CTNND2: variants seen among roughly 807,000 people sequenced by gnomAD.
The protein encoded by CTNND2 is catenin delta-2.
In CTNND2, 22 loss-of-function variants were observed where a neutral mutation model predicts 144.4. The ratio of observed to expected loss-of-function variants is 0.15; its 90% confidence interval spans 0.11 to 0.22. The LOEUF is 0.22. CTNND2 is among the 10% of genes least tolerant of loss of function. The pLI is 1.00. For missense variants in CTNND2, 1,353 were observed against 1,618.8 expected, an observed-to-expected ratio of 0.84 and a Z score of 2.82; for synonymous variants, 751 against 695.6, an observed-to-expected ratio of 1.08 and a Z score of -1.25.
chr5:11,517,306 C>A (rs1772254200), intron 3 of CTNND2, among the ~76,000 whole-genome samples: 2 of 152,102 alleles, frequency 1.3e-5, no homozygotes, highest in Non-Finnish European at 2.9e-5. Flanking sequence ...TATTAAAAAG[C>A]CAGGCTTTAA....
rs1468399078 is a variant in CTNND2, at chr5:11,384,655, G to A, written c.1177+10C>T. ...CAGGTGAGTCGCGCCAGGTGGCAGC[G>A]AGCCTTTACCTGCCAGGCTGCCCGG... On this transcript the variant is annotated intron_variant, in intron 7 of 21. Coordinates refer to ENST00000304623, the MANE Select transcript of CTNND2 (RefSeq NM_001332.4). This position sits in a 1 kb window ranked among gnomAD's most constrained non-coding sequence, Gnocchi z 5.2. 10 of 1,592,630 alleles carry A rather than the reference G, an allele frequency of 6.3e-6. No individual in the cohort carries two copies. Among genetic ancestry groups the A allele is most frequent in the African/African-American group, 4.0e-5 (3 of 74,510 alleles).
intron 9 of CTNND2, among the ~76,000 whole-genome samples, chr5:11,248,078 T>C (rs1743188739): frequency 6.6e-6 from 1 of 152,286 alleles, no homozygotes; most frequent in Non-Finnish European, 1.5e-5. Flanking sequence ...AATGTTTATG[T>C]TCACCACTAT....
intron 11 of CTNND2, among the ~76,000 whole-genome samples, chr5:11,177,272 G>T (rs942054607): frequency 6.6e-6 from 1 of 152,154 alleles, no homozygotes; most frequent in African/African-American, 2.4e-5. Flanking sequence ...ACCCTCAGGG[G>T]AAATCCTGGT....
At chr5:11,029,804 T>G (rs1743250912) in intron 16 of CTNND2, among the ~76,000 whole-genome samples, 2 of 152,340 alleles carry the variant, frequency 1.3e-5, no homozygotes, top group Admixed American at 1.3e-4. Flanking sequence ...TAAACCATTG[T>G]TAAAACAATA....
chr5:11,104,043 T>C (rs903129005), intron 14 of CTNND2, among the ~76,000 whole-genome samples: 1 of 152,196 alleles, frequency 6.6e-6, no homozygotes, highest in African/African-American at 2.4e-5. Flanking sequence ...CAATCAAGTT[T>C]GTGTGCAGAA....
chr5:11,397,582 T>A, intron 5 of CTNND2, among the ~76,000 whole-genome samples: 1 of 152,306 alleles, frequency 6.6e-6, no homozygotes, highest in South Asian at 2.1e-4. Context: ...ATTTTGCTAA[T>A]ATAATTATAT....
chr5:11,060,492 G>A (rs1269689552), intron 16 of CTNND2, among the ~76,000 whole-genome samples: 1 of 152,172 alleles, frequency 6.6e-6, no homozygotes, highest in Non-Finnish European at 1.5e-5. Context: ...AGAAATAAAA[G>A]TAAGACAGAT....
At chr5:11,435,498 T>A (rs532520553) in intron 3 of CTNND2, among the ~76,000 whole-genome samples, 1 of 152,156 alleles carries the variant, frequency 6.6e-6, no homozygotes, top group Admixed American at 6.5e-5. Context: ...AAGCCCTAGG[T>A]CTCTACTGTA....
At chr5:11,172,826 G>A (rs13155944) in intron 11 of CTNND2, among the ~76,000 whole-genome samples, 33,389 of 152,104 alleles carry the variant, frequency 0.22, 4,547 homozygotes, top group South Asian at 0.39. Flanking sequence ...GAAGGTCTGC[G>A]TGGAGAGAGA....
intron 9 of CTNND2, among the ~76,000 whole-genome samples, chr5:11,284,789 T>C (rs1747556483): frequency 6.6e-6 from 1 of 152,220 alleles, no homozygotes; most frequent in Non-Finnish European, 1.5e-5. Flanking sequence ...AATAATAGGA[T>C]TGCAGGGTCA....
chr5:11,517,502 A>T (rs1430825247), intron 3 of CTNND2, among the ~76,000 whole-genome samples: 1 of 152,176 alleles, frequency 6.6e-6, no homozygotes, highest in Admixed American at 6.6e-5. Flanking sequence ...AAGGTATACA[A>T]TGTGATGCTT....
chr5:11,356,112 C>A, intron 8 of CTNND2, among the ~76,000 whole-genome samples: 1 of 151,950 alleles, frequency 6.6e-6, no homozygotes, highest in Non-Finnish European at 1.5e-5. Flanking sequence ...GTTAAAATGG[C>A]CACACTACAC....
At chr5:11,286,868 T>C (rs995409801) in intron 9 of CTNND2, among the ~76,000 whole-genome samples, 17 of 152,190 alleles carry the variant, frequency 1.1e-4, no homozygotes, top group African/African-American at 4.1e-4. Flanking sequence ...CCAGGACACA[T>C]GCACAAGAAC....
intron 1 of CTNND2, among the ~76,000 whole-genome samples, chr5:11,764,321 T>C (rs1047095049): frequency 2.0e-5 from 3 of 152,202 alleles, no homozygotes; most frequent in Admixed American, 2.0e-4. Flanking sequence ...ACTCCTGGCC[T>C]CCAGAAGTAG....
At chr5:11,611,639 A>G (rs976866780) in intron 2 of CTNND2, among the ~76,000 whole-genome samples, 1 of 152,104 alleles carries the variant, frequency 6.6e-6, no homozygotes, top group Non-Finnish European at 1.5e-5. Flanking sequence ...TTAGCCAGGC[A>G]TGGTGGCATG....
intron 2 of CTNND2, among the ~76,000 whole-genome samples, chr5:11,713,066 T>A (rs542023349): frequency 1.3e-5 from 2 of 152,172 alleles, no homozygotes; most frequent in East Asian, 3.9e-4. Flanking sequence ...AATGAGAACA[T>A]AGGATATTCC....
chr5:11,405,381 T>C (rs1049050677), intron 5 of CTNND2, among the ~76,000 whole-genome samples: 1 of 152,186 alleles, frequency 6.6e-6, no homozygotes, highest in Non-Finnish European at 1.5e-5. Context: ...AACATGCTTC[T>C]GAAACATCTA....
intron 9 of CTNND2, among the ~76,000 whole-genome samples, chr5:11,290,008 G>A (rs1336381607): frequency 6.6e-6 from 1 of 152,208 alleles, no homozygotes; most frequent in African/African-American, 2.4e-5. Flanking sequence ...TCAGAAAATG[G>A]TTCCCTTTGC....
chr5:11,064,902 T>C (rs1747393890), intron 16 of CTNND2, among the ~76,000 whole-genome samples: 1 of 152,240 alleles, frequency 6.6e-6, no homozygotes, highest in Non-Finnish European at 1.5e-5. Context: ...GATTTGTTTT[T>C]TCTGCACCCA....
Sources: allele counts gnomAD v4.1 joint callset (sites outside exome capture counted in the v4.1 genomes callset), GRCh38; gene constraint gnomAD v4.1.1; non-coding constraint Gnocchi (gnomAD v3.1); transcripts MANE v1.5; gene names NCBI Gene and HGNC (gene_info 2026-07-23, HGNC 2026-07-21).